The following ATF2 variants were observed in gnomAD, a reference collection of about 807,000 sequenced individuals.
ATF2 encodes cyclic AMP-dependent transcription factor ATF-2.
Under a neutral mutation model 60.6 loss-of-function variants are expected in ATF2, and 24 were observed. That is an observed-to-expected ratio of 0.40 (90% CI 0.29 to 0.56). The LOEUF (loss-of-function observed/expected upper bound fraction) is 0.56, where lower values mean the gene tolerates loss of function less well. ATF2 is among the 20% of genes least tolerant of loss of function. The pLI is 0.54. For missense variants in ATF2, 433 were observed against 607.7 expected (o/e 0.71, Z 3.02); for synonymous variants, 206 against 215.4 (o/e 0.96, Z 0.38).
At chr2:175,140,507 A>T (rs888271242) in intron 2 of ATF2, among the ~76,000 whole-genome samples, 1 of 152,170 alleles carries the variant, frequency 6.6e-6, no homozygotes, top group Non-Finnish European at 1.5e-5. Context: ...GGGAAGGATT[A>T]CAAAGGGGCA....
Position 175,114,762 on chromosome 2 carries a change from A to G in ATF2, c.554T>C (p.Ile185Thr). Reference sequence around the variant, plus strand: ...GGTTGGTGAAGGTACTGCCTGCTGAATAATTACACTTGAGTCAGAACTTGT... The same window carrying G: ...GGTTGGTGAAGGTACTGCCTGCTGAGTAATTACACTTGAGTCAGAACTTGT... ...LLTSSDSSVI[I>T]QQAVPSPTSS... Residue 185 changes from isoleucine (I) to threonine (T), a missense_variant, in exon 8 of 14, where the codon ATT becomes ACT. Around this residue, in one of 5 missense-constraint regions of ATF2, gnomAD observed 246 missense variants for 309.3 expected, o/e 0.80. Coordinates refer to ENST00000264110, the MANE Select transcript of ATF2 (RefSeq NM_001880.4). The G allele has an allele frequency of 6.2e-7, 1 of 1,614,070 alleles. No individual in the cohort carries two copies. Among genetic ancestry groups the G allele is most frequent in the Non-Finnish European group, 8.5e-7 (1 of 1,179,932 alleles).
chr2:175,104,111 T>C (rs1362116582), intron 10 of ATF2, among the ~76,000 whole-genome samples: 2 of 151,688 alleles, frequency 1.3e-5, no homozygotes, highest in Non-Finnish European at 1.5e-5. Context: ...ACAAACACAA[T>C]GCATACATAA....
In ATF2 at chr2:175,074,706, G is replaced by T. The variant is rs1461689318; in HGVS notation, c.1421C>A (p.Thr474Asn). The change falls in exon 14 of 14, where the codon ACT becomes AAT. Residue 474 changes from threonine to asparagine, a missense_variant. Thr to Asn is a moderately conservative substitution (Grantham distance 65). This residue lies in a region of ATF2 where 114 missense variants were observed against 104.0 expected (regional missense o/e 1.10). Coordinates refer to ENST00000264110, the MANE Select transcript of ATF2 (RefSeq NM_001880.4). ...GTCCGCCATCTGGGTGAGGACTGAA[G>T]TGGCTACAGCTTCTGCCTTGGAGGT... ...SSTSKAEAVA[T>N]SVLTQMADQS... 6.2e-7 allele frequency: 1 copy of T among 1,613,452 alleles called. No homozygotes were observed. Among genetic ancestry groups the T allele is most frequent in the East Asian group, 2.2e-5 (1 of 44,854 alleles).
rs56138086 is a variant in ATF2 at position 175,121,802 on chromosome 2, T to TG, written c.103-263dup. Among the ~76,000 whole-genome samples, 798 of 151,594 alleles carry TG rather than the reference T, an allele frequency of 5.3e-3. 5 individuals carry two copies. The highest frequency in any genetic ancestry group is 0.017 in the Middle Eastern group (5 of 294). On this transcript the variant is annotated intron_variant, in intron 4 of 13. Coordinates refer to ENST00000264110, the MANE Select transcript of ATF2 (RefSeq NM_001880.4). ...ATTTGAGAGCATTTAAAAATAAAAT[T>TG]GGAGGCAAAGAAACTTTATATAAAT...
At chr2:175,089,765 C>G (rs1694416730) in intron 12 of ATF2, among the ~76,000 whole-genome samples, 1 of 152,096 alleles carries the variant, frequency 6.6e-6, no homozygotes, top group Admixed American at 6.6e-5. Flanking sequence ...TGACTTGAAG[C>G]AATAACAGAA....
chr2:175,095,099 T>G (rs1233005758), intron 11 of ATF2, among the ~76,000 whole-genome samples: 4 of 151,990 alleles, frequency 2.6e-5, no homozygotes, highest in African/African-American at 9.7e-5. Context: ...CCTATTTTTC[T>G]TTTTCTTTTT....
In ATF2 at chr2:175,073,384, C is replaced by T. The variant is rs1693063688; in HGVS notation, c.*1225G>A. On this transcript the variant is annotated 3_prime_UTR_variant, in exon 14 of 14. Coordinates refer to ENST00000264110, the MANE Select transcript of ATF2 (RefSeq NM_001880.4). The stretch of plus-strand genomic sequence containing the variant: ...CAATAATGACATTTTAAACTGCAAT[C>T]ATCTATTGGCCAGCATCACACTGAA... 6.6e-6 allele frequency: 1 copy of T among 151,990 alleles called. No homozygotes were observed. Among genetic ancestry groups the T allele is most frequent in the Non-Finnish European group, 1.5e-5 (1 of 68,014 alleles). 9.4% of individuals were successfully genotyped at this position (151,990 alleles called of 1,614,324 possible).
chr2:175,096,230 A>G (rs1267362007), intron 11 of ATF2, among the ~76,000 whole-genome samples: 1 of 152,224 alleles, frequency 6.6e-6, no homozygotes, highest in Non-Finnish European at 1.5e-5. Context: ...CCTTTACTAG[A>G]AAGAATTAGA....
intron 3 of ATF2, among the ~76,000 whole-genome samples, chr2:175,132,066 A>G (rs192111992): frequency 3.3e-5 from 5 of 152,336 alleles, no homozygotes; most frequent in Non-Finnish European, 2.9e-5. Flanking sequence ...TGCTTCTGGT[A>G]TTCAACCTGT....
chr2:175,154,952 A>G (rs1411641525), intron 1 of ATF2, among the ~76,000 whole-genome samples: 3 of 152,214 alleles, frequency 2.0e-5, no homozygotes, highest in Non-Finnish European at 4.4e-5. Context: ...TAACAGATGC[A>G]AGGGCAATCC....
At position 175,136,393 on chromosome 2, in the gene ATF2, C is replaced by G; in HGVS notation, c.32+19G>C. 6.2e-7 allele frequency: 1 copy of G among 1,606,030 alleles called. No individual in the cohort carries two copies. The highest frequency in any genetic ancestry group is 8.5e-7 in the Non-Finnish European group (1 of 1,176,068). The stretch of plus-strand genomic sequence containing the variant: ...AAAATGTAAAAAATGGCTAAAAATA[C>G]CAAATATTGCACACATACCTGGCAG... On this transcript the variant is annotated intron_variant, in intron 3 of 13. Coordinates refer to ENST00000264110, the MANE Select transcript of ATF2 (RefSeq NM_001880.4).
chr2:175,084,525 AG>A (rs945021970), intron 12 of ATF2, among the ~76,000 whole-genome samples: 2 of 148,722 alleles, frequency 1.3e-5, no homozygotes, highest in African/African-American at 4.9e-5. Context: ...GGATAGCATT[AG>A]GAGATATACC....
chr2:175,159,830 T>C (rs993556980), intron 1 of ATF2, among the ~76,000 whole-genome samples: 1 of 152,190 alleles, frequency 6.6e-6, no homozygotes, highest in African/African-American at 2.4e-5. Context: ...TAAACAACAG[T>C]AGCACAAGTT....
chr2:175,122,700 C>T (rs1301783565), intron 4 of ATF2, among the ~76,000 whole-genome samples: 1 of 151,998 alleles, frequency 6.6e-6, no homozygotes, highest in East Asian at 1.9e-4. Flanking sequence ...GGTTATAGCA[C>T]CTATCATATT....
chr2:175,072,895 T>C lies in ATF2; in HGVS notation c.*1714A>G, dbSNP rs944450346. 1.3e-5 allele frequency: 2 copies of C among 152,186 alleles called. No homozygotes were observed. The highest frequency in any genetic ancestry group is 1.3e-4 in the Admixed American group (2 of 15,260). 9.4% of individuals were successfully genotyped at this position (152,186 alleles called of 1,614,324 possible). A position where few individuals can be genotyped will look rare whatever the true frequency, so the allele number is the denominator to read the frequency against. On this transcript the variant is annotated 3_prime_UTR_variant, in exon 14 of 14. Transcript: ENST00000264110. ...TGAAATGTCATTTATATAATTTGAA[T>C]GTTTCCCAGTTTGGAACTTAGGCAG...
chr2:175,131,193 T>C (rs949159011), intron 3 of ATF2, among the ~76,000 whole-genome samples: 1 of 152,212 alleles, frequency 6.6e-6, no homozygotes, highest in Non-Finnish European at 1.5e-5. Flanking sequence ...AATTGTCAAA[T>C]AGCCTATGGA....
intron 7 of ATF2, among the ~76,000 whole-genome samples, chr2:175,117,011 TATAAA>T (rs539858168): frequency 1.7e-3 from 266 of 152,080 alleles, no homozygotes; most frequent in African/African-American, 6.2e-3. Flanking sequence ...TAAAGCACAA[TATAAA>T]ATAAAGCTAG....
intron 9 of ATF2, among the ~76,000 whole-genome samples, chr2:175,113,665 C>T (rs1559079220): frequency 1.3e-5 from 2 of 151,886 alleles, no homozygotes; most frequent in Non-Finnish European, 1.5e-5. Flanking sequence ...AGAAATACCA[C>T]AGAGTTACCT....
intron 2 of ATF2, among the ~76,000 whole-genome samples, chr2:175,138,581 A>G (rs1698290842): frequency 6.6e-6 from 1 of 152,214 alleles, no homozygotes; most frequent in African/African-American, 2.4e-5. Context: ...GGCCCATTTA[A>G]CAGTATCAGA....
Sources: allele counts gnomAD v4.1 joint callset (sites outside exome capture counted in the v4.1 genomes callset), GRCh38; gene constraint gnomAD v4.1.1; regional missense constraint gnomAD v4.1.1; transcripts MANE v1.5; gene names NCBI Gene and HGNC (gene_info 2026-07-23, HGNC 2026-07-21).